TCF7L1: variants seen among roughly 807,000 people sequenced by gnomAD.
TCF7L1 encodes transcription factor 7 like 1.
In TCF7L1, 18 loss-of-function variants were observed where a neutral mutation model predicts 63.7. The ratio of observed to expected loss-of-function variants is 0.28; its 90% CI spans 0.20 to 0.42. The LOEUF (loss-of-function observed/expected upper bound fraction) is 0.42, where lower values mean the gene tolerates loss of function less well. Among genes scored for constraint, TCF7L1 ranks in the 10% least tolerant of loss-of-function variants. The pLI, the probability that TCF7L1 is intolerant of heterozygous loss-of-function variation, is 1.00. For synonymous variants in TCF7L1, 355 were observed against 340.9 expected (o/e 1.04, Z -0.46); for missense variants, 654 against 779.3 (o/e 0.84, Z 1.91).
chr2:85,176,963 G>C (rs1427621988), intron 3 of TCF7L1, among the ~76,000 whole-genome samples: 1 of 148,674 alleles, frequency 6.7e-6, no homozygotes, highest in Admixed American at 6.7e-5. Flanking sequence ...CTCCAGCCTG[G>C]GTGACAGAGC....
intron 5 of TCF7L1, 27 bp downstream of exon 5, chr2:85,302,643 C>G (rs1233437978): frequency 6.9e-7 from 1 of 1,442,932 alleles, no homozygotes; most frequent in African/African-American, 1.5e-5. Flanking sequence ...TCAGGCAGTG[C>G]TGCTGCAGGG....
intron 3 of TCF7L1, among the ~76,000 whole-genome samples, chr2:85,219,767 G>A (rs536233984): frequency 6.6e-6 from 1 of 152,262 alleles, no homozygotes; most frequent in South Asian, 2.1e-4. Flanking sequence ...AAAATGTAGT[G>A]CCATTTATAA....
chr2:85,218,287 G>A (rs930435601), intron 3 of TCF7L1, among the ~76,000 whole-genome samples: 5 of 149,392 alleles, frequency 3.3e-5, no homozygotes, highest in African/African-American at 1.3e-4. Context: ...ACAAGATCTT[G>A]CTCTGTCACC....
intron 3 of TCF7L1, among the ~76,000 whole-genome samples, chr2:85,256,324 T>A (rs1218644362): frequency 1.3e-5 from 2 of 152,046 alleles, no homozygotes; most frequent in African/African-American, 4.8e-5. Flanking sequence ...GTTGTAAGGA[T>A]GGGGAGGGAG....
At chr2:85,142,768 G>C (rs1343105823) in intron 3 of TCF7L1, among the ~76,000 whole-genome samples, 1 of 152,186 alleles carries the variant, frequency 6.6e-6, no homozygotes, top group African/African-American at 2.4e-5. Flanking sequence ...GGAACCATGA[G>C]GGGAGTGAAG....
intron 3 of TCF7L1, among the ~76,000 whole-genome samples, chr2:85,144,345 C>A (rs1375939215): frequency 6.7e-6 from 1 of 148,352 alleles, no homozygotes; most frequent in Non-Finnish European, 1.5e-5. Flanking sequence ...CTTTGGGAGG[C>A]TGAGGCAGAC....
intron 3 of TCF7L1, among the ~76,000 whole-genome samples, chr2:85,164,624 C>A (rs779710822): frequency 1.6e-4 from 24 of 152,166 alleles, no homozygotes; most frequent in Non-Finnish European, 2.8e-4. Flanking sequence ...CTCCAAAAAC[C>A]TGAATGGAAA....
rs1368991393 is a variant in TCF7L1 at position 85,279,693 on chromosome 2, AG to A, written c.442-3801del. Reference sequence around the variant, plus strand: ...CGTCACTCATCTCCAAAACTTAAAAAGACAAATAGAAAAGGGAAAGTCACGA... The same window carrying A: ...CGTCACTCATCTCCAAAACTTAAAAAACAAATAGAAAAGGGAAAGTCACGA... On this transcript the variant is annotated intron_variant, in intron 3 of 11. Coordinates refer to ENST00000282111, the MANE Select transcript of TCF7L1 (RefSeq NM_031283.3). Among the ~76,000 whole-genome samples the A allele has an allele frequency of 2.0e-5, 3 of 152,286 alleles. No homozygotes were observed. The East Asian group carries it at 5.8e-4, about 29-fold the overall frequency.
At chr2:85,181,790 G>T (rs991083896) in intron 3 of TCF7L1, among the ~76,000 whole-genome samples, 2 of 152,154 alleles carry the variant, frequency 1.3e-5, no homozygotes, top group Non-Finnish European at 2.9e-5. Context: ...GTCTGGTGTT[G>T]CCCCTCTTTG....
chr2:85,241,447 T>TG (rs1680327675), intron 3 of TCF7L1, among the ~76,000 whole-genome samples: 2 of 109,392 alleles, frequency 1.8e-5, no homozygotes, highest in Admixed American at 8.2e-5. Flanking sequence ...GTTTTTTTTT[T>TG]TTTTTTTTTT....
In TCF7L1 at chr2:85,135,136, C is replaced by G. The variant is rs1012008131; in HGVS notation, c.441+686C>G. On this transcript the variant is annotated intron_variant, in intron 3 of 11. Transcript: ENST00000282111. ...TAATGGGCGCGTATTGTGTGCTGCC[C>G]GCTGGCATTTAGAGCGGTGATTAAG... is the stretch of plus-strand genomic sequence containing the variant. 2.6e-5 allele frequency among the ~76,000 whole-genome samples: 4 copies of G among 152,320 alleles called. 1 individual carries two copies. The Middle Eastern group carries it at 0.01, about 389-fold the overall frequency.
intron 4 of TCF7L1, 75 bp downstream of exon 4, chr2:85,283,653 C>T: frequency 6.7e-7 from 1 of 1,493,154 alleles, no homozygotes; most frequent in South Asian, 1.1e-5. Flanking sequence ...CTTCTGCCAT[C>T]ACGCTGAAGC....
intron 11 of TCF7L1, 90 bp from the exon 12 acceptor site, chr2:85,308,939 T>C: frequency 1.4e-6 from 2 of 1,439,530 alleles, no homozygotes; most frequent in Non-Finnish European, 1.9e-6. Flanking sequence ...TCCCTGTGTC[T>C]CCAAAGCACA....
At chr2:85,285,264 A>T (rs1681519694) in intron 4 of TCF7L1, among the ~76,000 whole-genome samples, 1 of 152,174 alleles carries the variant, frequency 6.6e-6, no homozygotes, top group African/African-American at 2.4e-5. Context: ...CTTATTCATT[A>T]AAAGCTTAGA....
intron 3 of TCF7L1, among the ~76,000 whole-genome samples, chr2:85,211,565 T>C (rs1375153654): frequency 1.3e-5 from 2 of 152,100 alleles, no homozygotes. Context: ...AAACGATGCA[T>C]TATAGGACCT....
intron 3 of TCF7L1, among the ~76,000 whole-genome samples, chr2:85,234,900 C>T (rs1471387604): frequency 6.6e-6 from 1 of 152,086 alleles, no homozygotes; most frequent in Non-Finnish European, 1.5e-5. Context: ...TGGGGATGGG[C>T]CGAGGTTTGG....
At chr2:85,242,392 A>T (rs998483442) in intron 3 of TCF7L1, among the ~76,000 whole-genome samples, 1 of 152,194 alleles carries the variant, frequency 6.6e-6, no homozygotes, top group Admixed American at 6.5e-5. Flanking sequence ...TCTTTCTGGG[A>T]TGGCTCAAAT....
intron 3 of TCF7L1, among the ~76,000 whole-genome samples, chr2:85,183,265 T>C (rs1678846336): frequency 1.3e-5 from 2 of 152,296 alleles, no homozygotes; most frequent in African/African-American, 4.8e-5. Flanking sequence ...TACATGCCTT[T>C]CAAGAAGGCA....
rs1359064277 is a variant in TCF7L1 at position 85,305,188 on chromosome 2, C to T, written c.846-72C>T. On this transcript the variant is annotated intron_variant, in intron 7 of 11. Coordinates refer to ENST00000282111, the MANE Select transcript of TCF7L1 (RefSeq NM_031283.3). ...CTGTGCCCTTAAGGCAGAGAGCCAC[C>T]GTGTCCTCTGCTGGGTGGCAGGTAT... is the stretch of plus-strand genomic sequence containing the variant. The T allele has an allele frequency of 3.1e-6, 5 of 1,598,178 alleles. No homozygotes were observed. The Admixed American group carries it at 5.0e-5, about 16-fold the overall frequency.
Sources: gnomAD v4.1 joint callset for allele counts (sites outside exome capture counted in the v4.1 genomes callset) on GRCh38, gnomAD v4.1.1 for gene constraint, MANE v1.5 for transcripts, NCBI Gene and HGNC (gene_info 2026-07-23, HGNC 2026-07-21) for gene names.